Variants in PHACTR1 observed in about 807,000 individuals in gnomAD.
The protein encoded by PHACTR1 is phosphatase and actin regulator 1, also known as RPEL repeat containing 1.
PHACTR1 carries 16 observed loss-of-function variants against 69.2 expected under a neutral mutation model. That is an observed-to-expected ratio of 0.23 (90% CI 0.16 to 0.35). PHACTR1 has a LOEUF of 0.35. PHACTR1 is among the 10% of genes least tolerant of loss of function. PHACTR1 has a pLI of 1.00. For synonymous variants in PHACTR1, 312 were observed against 284.5 expected (o/e 1.10, Z -0.97); for missense variants, 510 against 734.7 (o/e 0.69, Z 3.54).
intron 4 of PHACTR1, among the ~76,000 whole-genome samples, chr6:12,853,775 C>G (rs1172430582): frequency 6.6e-6 from 1 of 152,118 alleles, no homozygotes; most frequent in East Asian, 1.9e-4. Context: ...GGGAAACTGC[C>G]CCCCTGATTC....
chr6:12,848,158 C>A (rs1344496728), intron 4 of PHACTR1, among the ~76,000 whole-genome samples: 1 of 152,062 alleles, frequency 6.6e-6, no homozygotes, highest in Non-Finnish European at 1.5e-5. Flanking sequence ...TAGGCTAGAT[C>A]AATAGCACGT....
intron 4 of PHACTR1, among the ~76,000 whole-genome samples, chr6:12,782,363 A>T (rs1770950955): frequency 6.6e-6 from 1 of 152,206 alleles, no homozygotes; most frequent in Non-Finnish European, 1.5e-5. Flanking sequence ...GAAAGGACAC[A>T]TTCGACTTGT....
At chr6:12,846,640 T>A (rs1779290128) in intron 4 of PHACTR1, among the ~76,000 whole-genome samples, 1 of 152,178 alleles carries the variant, frequency 6.6e-6, no homozygotes, top group Non-Finnish European at 1.5e-5. Context: ...GCTTGTTAAC[T>A]TTTGAAGTAA....
intron 4 of PHACTR1, among the ~76,000 whole-genome samples, chr6:12,994,032 G>T (rs1352172225): frequency 6.6e-6 from 1 of 151,870 alleles, no homozygotes; most frequent in African/African-American, 2.4e-5. Context: ...AATAAGAAAA[G>T]AAATAGAGAA....
intron 5 of PHACTR1, among the ~76,000 whole-genome samples, chr6:13,131,104 G>A (rs577619849): frequency 6.6e-6 from 1 of 151,514 alleles, no homozygotes; most frequent in Non-Finnish European, 1.5e-5. Flanking sequence ...ACAAATTCCA[G>A]CATCCCTTTA....
At chr6:13,239,331 CGT>C (rs992526452) in intron 10 of PHACTR1, among the ~76,000 whole-genome samples, 28 of 152,284 alleles carry the variant, frequency 1.8e-4, no homozygotes, top group Admixed American at 1.5e-3. Flanking sequence ...GCGTGGACTT[CGT>C]GTAGCTAAGC....
Position 12,749,652 on chromosome 6 carries a change from G to C in PHACTR1, c.112G>C (p.Ala38Pro). 6.2e-7 allele frequency: 1 copy of C among 1,609,210 alleles called. No individual in the cohort carries two copies. The highest frequency in any genetic ancestry group is 8.5e-7 in the Non-Finnish European group (1 of 1,178,182). The change falls in exon 4 of 15, where the codon GCG becomes CCG. Residue 38 changes from alanine (A) to proline (P), a missense_variant. Physicochemically the swap from Ala to Pro is conservative, Grantham distance 27. Around this residue, in one of 2 missense-constraint regions of PHACTR1, gnomAD observed 419 missense variants for 530.9 expected, o/e 0.79. Transcript: ENST00000332995. ...FYSQGAQARRATLLLPPTLMA... is the reference protein window; with the variant it reads ...FYSQGAQARRPTLLLPPTLMA... Reference sequence around the variant, plus strand: ...CTCCTTCTCCCTCTCAGCTCGCCGGGCGACCCTGCTCCTGCCTCCCACATT... The same window carrying C: ...CTCCTTCTCCCTCTCAGCTCGCCGGCCGACCCTGCTCCTGCCTCCCACATT...
At chr6:13,277,665 T>C (rs1779206811) in intron 11 of PHACTR1, among the ~76,000 whole-genome samples, 1 of 152,158 alleles carries the variant, frequency 6.6e-6, no homozygotes, top group Admixed American at 6.5e-5. Context: ...ACCCACCTCC[T>C]TGGGCTGTGC....
chr6:12,749,861 C>A, intron 4 of PHACTR1, 71 bp downstream of exon 4: 2 of 1,394,176 alleles, frequency 1.4e-6, no homozygotes, highest in South Asian at 3.0e-5. Context: ...TGAGCCCCCG[C>A]CCCTCCCGGG....
intron 4 of PHACTR1, among the ~76,000 whole-genome samples, chr6:12,872,228 A>T (rs982925990): frequency 6.6e-6 from 1 of 152,196 alleles, no homozygotes; most frequent in Admixed American, 6.5e-5. Context: ...ATACTGCAAT[A>T]ACTATTAGTG....
rs184918274 is a variant in PHACTR1 at position 13,158,610 on chromosome 6, C to T, written c.416-1594C>T. Among the ~76,000 whole-genome samples, 56 of 152,244 alleles carry T rather than the reference C, an allele frequency of 3.7e-4. 1 individual carries two copies. Among genetic ancestry groups the T allele is most frequent in the African/African-American group, 1.1e-3 (47 of 41,554 alleles). ...AAATATATAATTAGTGATTCTCAGC[C>T]GAGTCATGCCTGAAAATAACCCAGA... On this transcript the variant is annotated intron_variant, in intron 5 of 14. Transcript: ENST00000332995.
chr6:13,225,626 A>T (rs1279378252), intron 8 of PHACTR1, among the ~76,000 whole-genome samples: 2 of 152,080 alleles, frequency 1.3e-5, no homozygotes, highest in African/African-American at 4.8e-5. Context: ...ATCAACTTGG[A>T]GCCTTCTACC....
At chr6:13,276,329 C>T (rs964895552) in intron 11 of PHACTR1, among the ~76,000 whole-genome samples, 1 of 152,152 alleles carries the variant, frequency 6.6e-6, no homozygotes, top group Non-Finnish European at 1.5e-5. Context: ...AAATCAGGCC[C>T]GTGGGGGTGG....
At chr6:13,278,591 G>T (rs1470957861) in intron 12 of PHACTR1, among the ~76,000 whole-genome samples, 1 of 152,120 alleles carries the variant, frequency 6.6e-6, no homozygotes, top group African/African-American at 2.4e-5. Context: ...TTGTATTTTT[G>T]ATTATACTAA....
chr6:13,251,690 CTT>C (rs1486957371), intron 10 of PHACTR1, among the ~76,000 whole-genome samples: 1 of 152,188 alleles, frequency 6.6e-6, no homozygotes, highest in Non-Finnish European at 1.5e-5. Context: ...TTCAGCCTCT[CTT>C]TGAGTCTCCT....
At chr6:13,110,380 G>A (rs140335238) in intron 5 of PHACTR1, among the ~76,000 whole-genome samples, 120 of 152,294 alleles carry the variant, frequency 7.9e-4, no homozygotes, top group African/African-American at 2.5e-3. Flanking sequence ...TCTGGGATCT[G>A]TGCACAATGC....
chr6:13,190,196 G>GTTTTGTTTTTTTTTTTTTT (rs1220683843), intron 7 of PHACTR1, among the ~76,000 whole-genome samples: 1 of 31,850 alleles, frequency 3.1e-5, no homozygotes, highest in African/African-American at 1.0e-4. Flanking sequence ...GCTAATTTTT[G>GTTTTGTTTTTTTTTTTTTT]TATTTTTTTT....
At chr6:12,926,699 C>T (rs966779353) in intron 4 of PHACTR1, among the ~76,000 whole-genome samples, 1 of 152,216 alleles carries the variant, frequency 6.6e-6, no homozygotes, top group Non-Finnish European at 1.5e-5. Flanking sequence ...TATGGACCCT[C>T]ATTCCTCCCA....
intron 4 of PHACTR1, among the ~76,000 whole-genome samples, chr6:12,769,979 G>A (rs1769173650): frequency 6.6e-6 from 1 of 152,194 alleles, no homozygotes; most frequent in South Asian, 2.1e-4. Flanking sequence ...TTTAACTCAG[G>A]AGGCACATAA....
Sources: gnomAD v4.1 joint callset for allele counts (sites outside exome capture counted in the v4.1 genomes callset) on GRCh38, gnomAD v4.1.1 for gene constraint, gnomAD v4.1.1 regional missense constraint, MANE v1.5 for transcripts, NCBI Gene and HGNC (gene_info 2026-07-23, HGNC 2026-07-21) for gene names.